PDXDC1: variants seen among roughly 807,000 people sequenced by gnomAD.
The protein encoded by PDXDC1 is pyridoxal dependent decarboxylase domain containing 1, also known as pyridoxal-dependent decarboxylase domain-containing protein 1.
PDXDC1 carries 42 observed loss-of-function variants against 100.1 expected under a neutral mutation model. The ratio of observed to expected loss-of-function variants is 0.42; its 90% CI spans 0.33 to 0.54. PDXDC1 has a LOEUF of 0.54. PDXDC1 is among the 20% of genes least tolerant of loss of function. The pLI is 0.10. For synonymous variants in PDXDC1, 260 were observed against 371.7 expected, an observed-to-expected ratio of 0.70 and a Z score of 3.46; for missense variants, 636 against 979.2, an observed-to-expected ratio of 0.65 and a Z score of 4.68.
At chr16:15,056,342 G>A (rs1328793936) in intron 16 of PDXDC1, among the ~76,000 whole-genome samples, 2 of 152,248 alleles carry the variant, frequency 1.3e-5, no homozygotes, top group Non-Finnish European at 2.9e-5. Context: ...GAGCCTCCGG[G>A]CGAGTTCCTG....
rs541218135 is a variant in PDXDC1, at chr16:15,131,259, G to A, written c.1400-7620G>A. ...TGTTGGGCACCTTCACGGTGATGGC[G>A]CGCTCTGAGGCCAGCCGCTCGATGG... is the stretch of plus-strand genomic sequence containing the variant. On this transcript the variant is annotated intron_variant, in intron 16 of 16. Coordinates refer to the PDXDC1 transcript ENST00000535621. The A allele has an allele frequency of 4.1e-5, 65 of 1,588,194 alleles. No individual in the cohort carries two copies. The Middle Eastern group carries it at 1.6e-3, about 39-fold the overall frequency.
Position 15,071,147 on chromosome 16 carries a change from C to T in PDXDC1, c.1399+41091C>T, listed in dbSNP as rs1166887924. ...TAAGAGGAATAAATTTAGCTCTTGCCAAAAAGCTTCCAATATAATTTCCAG... is the reference window on the plus strand; with the variant it reads ...TAAGAGGAATAAATTTAGCTCTTGCTAAAAAGCTTCCAATATAATTTCCAG... On this transcript the variant is annotated intron_variant, in intron 16 of 16. Transcript: ENST00000535621. 4 of 1,608,946 alleles carry T rather than the reference C, an allele frequency of 2.5e-6. No homozygotes were observed. In the African/African-American group the frequency reaches 5.4e-5, roughly 22 times the overall value.
intron 16 of PDXDC1, among the ~76,000 whole-genome samples, chr16:15,071,574 C>A (rs920276949): frequency 2.0e-5 from 3 of 152,150 alleles, no homozygotes; most frequent in Admixed American, 6.5e-5. Flanking sequence ...TCGAGACCAG[C>A]CTGGCCAACA....
At chr16:15,089,295 G>A (rs1312612124) in intron 16 of PDXDC1, among the ~76,000 whole-genome samples, 3 of 151,966 alleles carry the variant, frequency 2.0e-5, no homozygotes, top group Admixed American at 6.6e-5. Flanking sequence ...TGTTCTGCCC[G>A]TCCCCAAAAA....
At chr16:14,984,738 C>T (rs1268983850) in intron 1 of PDXDC1, among the ~76,000 whole-genome samples, 7 of 152,058 alleles carry the variant, frequency 4.6e-5, no homozygotes, top group South Asian at 4.1e-4. Context: ...GTGATCCGCC[C>T]GCCTCTGCCT....
chr16:15,079,252 T>C (rs2045597104), intron 16 of PDXDC1, among the ~76,000 whole-genome samples: 1 of 152,188 alleles, frequency 6.6e-6, no homozygotes, highest in Non-Finnish European at 1.5e-5. Flanking sequence ...TTCCTGACAA[T>C]GTCACTAGAA....
intron 16 of PDXDC1, among the ~76,000 whole-genome samples, chr16:15,070,626 C>T (rs541942341): frequency 1.3e-5 from 2 of 152,210 alleles, no homozygotes; most frequent in East Asian, 1.9e-4. Flanking sequence ...CTTCAGTATT[C>T]CCTGATGCAT....
At chr16:15,128,714 C>A (rs1302734512) in intron 16 of PDXDC1, among the ~76,000 whole-genome samples, 1 of 152,162 alleles carries the variant, frequency 6.6e-6, no homozygotes, top group African/African-American at 2.4e-5. Context: ...CAACCAGTGA[C>A]CCGCACCACA....
chr16:15,149,392 G>A, the PDXDC1 span, among the ~76,000 whole-genome samples: 1 of 152,212 alleles, frequency 6.6e-6, no homozygotes, highest in Non-Finnish European at 1.5e-5. Context: ...GGAGGCCTTG[G>A]TGACAATCCC....
At chr16:15,052,605 G>C (rs903292434) in intron 16 of PDXDC1, among the ~76,000 whole-genome samples, 2 of 152,168 alleles carry the variant, frequency 1.3e-5, no homozygotes, top group African/African-American at 2.4e-5. Flanking sequence ...AGGCCGAGGC[G>C]AGATGATCGC....
At chr16:15,076,535 A>C in intron 16 of PDXDC1, 1 of 1,480,580 alleles carries the variant, frequency 6.8e-7, no homozygotes, top group Admixed American at 1.7e-5. Flanking sequence ...CTTCATCTCC[A>C]CTTTCATTAA....
chr16:15,140,878 C>T (rs1345025827), downstream of PDXDC1, among the ~76,000 whole-genome samples: 1 of 152,102 alleles, frequency 6.6e-6, no homozygotes, highest in Non-Finnish European at 1.5e-5. Flanking sequence ...CTCCCCAGGA[C>T]CCCGAGACCT....
At chr16:15,143,915 C>T (rs1413591386), downstream of PDXDC1, among the ~76,000 whole-genome samples, 4 of 152,286 alleles carry the variant, frequency 2.6e-5, no homozygotes, top group East Asian at 3.9e-4. Flanking sequence ...TGGTCAGCGG[C>T]GGGCGTGTGC....
At chr16:15,052,495 G>C (rs1197423825) in intron 16 of PDXDC1, among the ~76,000 whole-genome samples, 2 of 152,146 alleles carry the variant, frequency 1.3e-5, no homozygotes, top group African/African-American at 4.8e-5. Context: ...ATAAACAGGA[G>C]AGGGGCATGA....
chr16:15,147,442 C>T, the PDXDC1 span, among the ~76,000 whole-genome samples: 5 of 152,172 alleles, frequency 3.3e-5, no homozygotes, highest in Admixed American at 1.3e-4. Flanking sequence ...CCTGCAGTGC[C>T]GTGATGAGCT....
intron 16 of PDXDC1, among the ~76,000 whole-genome samples, chr16:15,091,766 T>A (rs1183350350): frequency 6.6e-6 from 1 of 152,172 alleles, no homozygotes; most frequent in African/African-American, 2.4e-5. Context: ...TACTTAACAT[T>A]TTCCCTCTAC....
At chr16:15,050,117 G>T (rs2044239413) in intron 16 of PDXDC1, among the ~76,000 whole-genome samples, 1 of 152,116 alleles carries the variant, frequency 6.6e-6, no homozygotes, top group Non-Finnish European at 1.5e-5. Context: ...TTTACGAAAG[G>T]TATGTTAATA....
chr16:15,090,906 A>G (rs1295816760), intron 16 of PDXDC1, among the ~76,000 whole-genome samples: 8 of 137,168 alleles, frequency 5.8e-5, no homozygotes, highest in Non-Finnish European at 1.2e-4. Context: ...TTTTAGCTTT[A>G]AAGAGACAAG....
At position 15,136,795 on chromosome 16, in the gene PDXDC1, C is replaced by G. The variant is rs528584737; in HGVS notation, c.1400-2084C>G. 35 of 1,449,736 alleles carry G rather than the reference C, an allele frequency of 2.4e-5. No individual in the cohort carries two copies. In the African/African-American group the frequency reaches 4.2e-4, roughly 17 times the overall value. The allele number at this position is 1,449,736 out of a possible 1,614,324, so 89.8% of individuals were successfully genotyped here. On this transcript the variant is annotated intron_variant, in intron 16 of 16. Coordinates refer to the PDXDC1 transcript ENST00000535621. ...AGGGTGTCAACGGTCAGTGTGGGCC[C>G]AAGACGGGGGTACCAGGCTCTGCCC...
Sources: allele counts gnomAD v4.1 joint callset (sites outside exome capture counted in the v4.1 genomes callset), GRCh38; gene constraint gnomAD v4.1.1; transcripts MANE v1.5; gene names NCBI Gene and HGNC (gene_info 2026-07-23, HGNC 2026-07-21).